JADE3: variants seen among roughly 807,000 people sequenced by gnomAD.
The protein encoded by JADE3 is protein Jade-3.
A neutral mutation model predicts 50.1 loss-of-function variants in JADE3; 2 were observed. The ratio of observed to expected loss-of-function variants is 0.04; its 90% CI spans 0.02 to 0.13. The LOEUF (loss-of-function observed/expected upper bound fraction) is 0.13. JADE3 is among the 10% of genes least tolerant of loss of function. JADE3 has a pLI of 1.00. For missense variants in JADE3, 475 were observed against 634.4 expected (o/e 0.75, Z 2.70); for synonymous variants, 218 against 232.9 (o/e 0.94, Z 0.58).
intron 3 of JADE3, among the ~76,000 whole-genome samples, chrX:46,993,776 A>G (rs1556356607): frequency 8.9e-6 from 1 of 112,278 alleles, no homozygotes; most frequent in East Asian, 2.8e-4. Flanking sequence ...GTGGGATGCA[A>G]TGTCTTGACA....
chrX:46,985,033 T>C, intron 2 of JADE3, 93 bp downstream of exon 2: 2 of 724,160 alleles, frequency 2.8e-6, no homozygotes, highest in Non-Finnish European at 4.2e-6. Context: ...TCATGCTTTT[T>C]TCAATGGTTG....
At chrX:46,942,025 G>A (rs910425969) in intron 1 of JADE3, among the ~76,000 whole-genome samples, 1 of 109,943 alleles carries the variant, frequency 9.1e-6, no homozygotes, top group Non-Finnish European at 1.9e-5. Context: ...TTACAGGCGT[G>A]AGCCATTGTG....
chrX:47,041,544 A>C (rs1275599341), intron 8 of JADE3, among the ~76,000 whole-genome samples: 1 of 110,225 alleles, frequency 9.1e-6, no homozygotes, highest in Non-Finnish European at 1.9e-5. Flanking sequence ...CACCTGGCTC[A>C]TTTAAAAAAT....
At chrX:46,996,413 T>C (rs1160887542) in intron 3 of JADE3, among the ~76,000 whole-genome samples, 2 of 112,441 alleles carry the variant, frequency 1.8e-5, no homozygotes, top group South Asian at 3.6e-4. Flanking sequence ...GTCTGTAGTC[T>C]TCAAGTTACT....
intron 4 of JADE3, among the ~76,000 whole-genome samples, chrX:47,006,580 G>A (rs1174397297): frequency 9.3e-6 from 1 of 107,749 alleles, no homozygotes; most frequent in Non-Finnish European, 1.9e-5. Context: ...GATTACAAGT[G>A]TGAGCCAATG....
chrX:46,958,944 A>G (rs1457512381), intron 1 of JADE3, among the ~76,000 whole-genome samples: 1 of 111,670 alleles, frequency 9.0e-6, no homozygotes, highest in Non-Finnish European at 1.9e-5. Flanking sequence ...AACCCTTTTT[A>G]TAATTTAAGG....
At chrX:46,925,557 C>G (rs1926336185) in intron 1 of JADE3, among the ~76,000 whole-genome samples, 1 of 111,861 alleles carries the variant, frequency 8.9e-6, no homozygotes, top group African/African-American at 3.3e-5. Flanking sequence ...CGCAGTGGCT[C>G]ACGCCTGTCA....
intron 4 of JADE3, among the ~76,000 whole-genome samples, chrX:47,009,739 C>G (rs1318117996): frequency 9.2e-6 from 1 of 108,874 alleles, no homozygotes; most frequent in African/African-American, 3.4e-5. Flanking sequence ...ATCCTCTCAC[C>G]TCAGCCTTCC....
rs976995798 is a variant in JADE3 at position 47,058,387 on chromosome X, G to A, written c.1782G>A (p.Pro594=). 8 of 1,208,952 alleles carry A rather than the reference G, an allele frequency of 6.6e-6. No homozygotes were observed. The highest frequency in any genetic ancestry group is 1.8e-5 in the African/African-American group (1 of 56,926). The change falls in exon 11 of 11, where the codon CCG becomes CCA. Residue 594 remains proline, a synonymous_variant. Coordinates refer to ENST00000614628, the MANE Select transcript of JADE3 (RefSeq NM_014735.5). ...TAGAAATGAGAACAAAATCGTATCCGAGATACCCACTAGAGAGCAAGAATA... is the reference window on the plus strand; with the variant it reads ...TAGAAATGAGAACAAAATCGTATCCAAGATACCCACTAGAGAGCAAGAATA... ...ESLEMRTKSY[P]RYPLESKNNR... is the part of the protein sequence containing the mutation.
At position 46,937,353 on chromosome X, in the gene JADE3, A is replaced by G. The variant is rs782557944; in HGVS notation, c.-12+24634A>G. ...TGTTTTATGATCTAGGATATGGTCT[A>G]TCTTATTGAAAGAACACGTATTCTG... On this transcript the variant is annotated intron_variant, in intron 1 of 10. Transcript: ENST00000614628. Among the ~76,000 whole-genome samples, 24 of 111,064 alleles carry G rather than the reference A, an allele frequency of 2.2e-4. No individual in the cohort carries two copies. The South Asian group carries it at 8.3e-3, about 38-fold the overall frequency.
intron 4 of JADE3, among the ~76,000 whole-genome samples, chrX:47,001,511 A>G (rs1489765477): frequency 9.0e-6 from 1 of 111,589 alleles, no homozygotes; most frequent in Non-Finnish European, 1.9e-5. Flanking sequence ...TGGAGGCTCA[A>G]CCTATTTAGG....
At chrX:47,048,030 T>TA (rs1929415369) in intron 8 of JADE3, among the ~76,000 whole-genome samples, 1 of 111,570 alleles carries the variant, frequency 9.0e-6, no homozygotes, top group Non-Finnish European at 1.9e-5. Flanking sequence ...ATAATACACA[T>TA]AGAGTATTGC....
chrX:46,924,379 G>A (rs1926309681), intron 1 of JADE3, among the ~76,000 whole-genome samples: 1 of 112,278 alleles, frequency 8.9e-6, no homozygotes, highest in African/African-American at 3.2e-5. Context: ...GTGTCTCCCT[G>A]CGGGTATGAG....
chrX:47,058,110 G>T, intron 10 of JADE3, 57 bp from the exon 11 acceptor site: 1 of 1,024,713 alleles, frequency 9.8e-7, no homozygotes, highest in Admixed American at 2.5e-5. Context: ...TCTGCCATAA[G>T]CACAAAAGCC....
At chrX:47,043,806 G>A (rs1365423437) in intron 8 of JADE3, among the ~76,000 whole-genome samples, 1 of 102,636 alleles carries the variant, frequency 9.7e-6, no homozygotes, top group Non-Finnish European at 2.0e-5. Context: ...GCGACAGAGT[G>A]AGACTCTGTT....
intron 4 of JADE3, among the ~76,000 whole-genome samples, chrX:47,016,699 T>C (rs1377559909): frequency 9.1e-6 from 1 of 109,363 alleles, no homozygotes; most frequent in Non-Finnish European, 1.9e-5. Flanking sequence ...TTTTTTTTTT[T>C]TTTAAGAGAC....
Position 46,954,236 on chromosome X carries a change from C to T in JADE3, c.-11-30648C>T, listed in dbSNP as rs374978326. On this transcript the variant is annotated intron_variant, in intron 1 of 10. Coordinates refer to ENST00000614628, the MANE Select transcript of JADE3 (RefSeq NM_014735.5). ...AACAGAGACCAGGACACATGAAACT[C>T]CAGCACAGTCAGGAATGTGGGTCTA... Among the ~76,000 whole-genome samples the T allele has an allele frequency of 5.2e-3, 582 of 111,326 alleles. 2 individuals carry two copies. The highest frequency in any genetic ancestry group is 0.023 in the South Asian group (61 of 2,624).
intron 1 of JADE3, among the ~76,000 whole-genome samples, chrX:46,946,121 A>C (rs995808038): frequency 8.9e-6 from 1 of 112,109 alleles, no homozygotes; most frequent in Non-Finnish European, 1.9e-5. Context: ...GAACATTTTA[A>C]ATGAAAATAG....
chrX:47,058,684 G>A lies in JADE3; in HGVS notation c.2079G>A (p.Val693=), dbSNP rs151109669. The change falls in exon 11 of 11, where the codon GTG becomes GTA. Residue 693 remains valine (V), a synonymous_variant. Coordinates refer to ENST00000614628, the MANE Select transcript of JADE3 (RefSeq NM_014735.5). ...SSEMFCDQEP[V]FSPHLVSQGS... The stretch of plus-strand genomic sequence containing the variant: ...AGATGTTCTGTGACCAGGAGCCTGT[G>A]TTCAGCCCCCACTTGGTCAGTCAGG... 605 of 1,209,758 alleles carry A rather than the reference G, an allele frequency of 5.0e-4. 1 individual carries two copies. The highest frequency in any genetic ancestry group is 5.9e-4 in the Non-Finnish European group (526 of 895,165).
Sources: allele counts gnomAD v4.1 joint callset (sites outside exome capture counted in the v4.1 genomes callset), GRCh38; gene constraint gnomAD v4.1.1; transcripts MANE v1.5; gene names NCBI Gene and HGNC (gene_info 2026-07-23, HGNC 2026-07-21).